Variants in KLRG1 observed in about 807,000 individuals in gnomAD.
KLRG1 encodes the protein killer cell lectin-like receptor subfamily G member 1.
A neutral mutation model predicts 21.8 loss-of-function variants in KLRG1; 16 were observed. That is an observed-to-expected ratio of 0.73 (90% confidence interval 0.50 to 1.11). KLRG1 has a LOEUF of 1.11. Among genes scored for constraint, KLRG1 ranks in the 50% most tolerant of loss-of-function variants. The pLI is 0.00. For synonymous variants in KLRG1, 69 were observed against 75.9 expected (o/e 0.91, Z 0.47); for missense variants, 173 against 218.3 (o/e 0.79, Z 1.31).
the KLRG1 span, among the ~76,000 whole-genome samples, chr12:9,055,345 T>G: frequency 1.3e-5 from 2 of 152,242 alleles, no homozygotes; most frequent in African/African-American, 4.8e-5. Context: ...TCTACACTCT[T>G]GTCACTAATC....
chr12:9,003,225 G>A (rs776390440), intron 3 of KLRG1, among the ~76,000 whole-genome samples: 1 of 152,164 alleles, frequency 6.6e-6, no homozygotes, highest in African/African-American at 2.4e-5. Flanking sequence ...ATCAATTTCT[G>A]TGCTTCATTA....
chr12:9,053,768 TAAC>T, the KLRG1 span, among the ~76,000 whole-genome samples: 1 of 152,230 alleles, frequency 6.6e-6, no homozygotes, highest in East Asian at 1.9e-4. Context: ...GCTCTACAGA[TAAC>T]AACTTGAACA....
the KLRG1 span, among the ~76,000 whole-genome samples, chr12:9,105,277 T>C: frequency 6.6e-6 from 1 of 152,184 alleles, no homozygotes; most frequent in Non-Finnish European, 1.5e-5. Context: ...AATAGGCACA[T>C]AATTCTGATT....
chr12:9,197,457 TATA>T, the KLRG1 span, among the ~76,000 whole-genome samples: 8 of 131,808 alleles, frequency 6.1e-5, no homozygotes, highest in East Asian at 2.1e-4. Flanking sequence ...CTTAATAATA[TATA>T]ATAATATAAT....
the KLRG1 span, among the ~76,000 whole-genome samples, chr12:9,074,404 T>C: frequency 9.2e-5 from 14 of 152,188 alleles, no homozygotes; most frequent in Non-Finnish European, 1.5e-4. Context: ...TGACTTTGAT[T>C]TGCTTTTATT....
chr12:9,134,405 T>G, the KLRG1 span, among the ~76,000 whole-genome samples: 1 of 152,152 alleles, frequency 6.6e-6, no homozygotes, highest in Non-Finnish European at 1.5e-5. Context: ...TTTTAAAAAT[T>G]TTATTTTATT....
chr12:9,209,685 A>G, the KLRG1 span, among the ~76,000 whole-genome samples: 2 of 152,090 alleles, frequency 1.3e-5, no homozygotes, highest in Non-Finnish European at 2.9e-5. Context: ...ATTCTCTCCA[A>G]TCTCATTTCC....
the KLRG1 span, chr12:9,165,460 C>T: frequency 7.2e-7 from 1 of 1,383,082 alleles, no homozygotes; most frequent in Non-Finnish European, 1.0e-6. Flanking sequence ...ACGTCAAGAA[C>T]TGAATCCACT....
chr12:9,109,852 T>C, the KLRG1 span: 5 of 1,573,704 alleles, frequency 3.2e-6, no homozygotes, highest in Admixed American at 5.9e-5. Context: ...CTTGATGACT[T>C]TTCATGATCC....
chr12:9,160,327 G>C, the KLRG1 span: 1 of 1,611,738 alleles, frequency 6.2e-7, no homozygotes, highest in Non-Finnish European at 8.5e-7. Context: ...TGATGAGATA[G>C]CCAACGGCCT....
the KLRG1 span, among the ~76,000 whole-genome samples, chr12:9,062,617 A>ATATATGTATATATTATACATATACATT: frequency 2.2e-4 from 32 of 147,574 alleles, no homozygotes; most frequent in South Asian, 3.1e-3. Context: ...TGTATTATAC[A>ATATATGTATATATTATACATATACATT]TATATGTATA....
At chr12:8,976,474 A>G (rs1485098372) in intron 1 of KLRG1, among the ~76,000 whole-genome samples, 4 of 152,060 alleles carry the variant, frequency 2.6e-5, no homozygotes, top group South Asian at 4.1e-4. Context: ...TGTTGGGTCT[A>G]TTTGGTCTAT....
intron 1 of KLRG1, among the ~76,000 whole-genome samples, chr12:8,960,963 C>T (rs11048262): frequency 6.6e-6 from 1 of 152,310 alleles, no homozygotes; most frequent in East Asian, 1.9e-4. Flanking sequence ...AATTTCTACC[C>T]TGATTATCAA....
At chr12:9,171,941 TC>T in the KLRG1 span, among the ~76,000 whole-genome samples, 2 of 152,132 alleles carry the variant, frequency 1.3e-5, no homozygotes, top group African/African-American at 4.8e-5. Context: ...CAGGAGAACT[TC>T]CCCAACCTAG....
chr12:9,089,139 G>A, the KLRG1 span: 1 of 1,266,380 alleles, frequency 7.9e-7, no homozygotes. Flanking sequence ...ATATATAAAT[G>A]TTCTTTGAAC....
chr12:9,041,382 A>G, the KLRG1 span, among the ~76,000 whole-genome samples: 1 of 152,224 alleles, frequency 6.6e-6, no homozygotes, highest in Non-Finnish European at 1.5e-5. Flanking sequence ...TTGATATGTA[A>G]TTGATGCACT....
chr12:9,091,096 C>T, the KLRG1 span: 3 of 1,328,472 alleles, frequency 2.3e-6, no homozygotes, highest in East Asian at 2.4e-5. Flanking sequence ...TCATGAATAT[C>T]TAGTAAGCAT....
the KLRG1 span, chr12:9,152,150 G>T: frequency 8.1e-6 from 9 of 1,105,526 alleles, no homozygotes; most frequent in Non-Finnish European, 1.1e-5. Context: ...TTTTGATATT[G>T]GTATGGTCTT....
chr12:8,991,246 G>T (rs1051086043), intron 1 of KLRG1, among the ~76,000 whole-genome samples: 8 of 151,986 alleles, frequency 5.3e-5, no homozygotes, highest in African/African-American at 1.9e-4. Context: ...ATAAAGATTT[G>T]CTGAAAATAC....
Sources: allele counts gnomAD v4.1 joint callset (sites outside exome capture counted in the v4.1 genomes callset), GRCh38; gene constraint gnomAD v4.1.1; transcripts MANE v1.5; gene names NCBI Gene and HGNC (gene_info 2026-07-23, HGNC 2026-07-21).